Variants in SEC24D observed in about 807,000 individuals in gnomAD.
The protein encoded by SEC24D is protein transport protein Sec24D.
SEC24D carries 69 observed loss-of-function variants against 116.9 expected under a neutral mutation model. The ratio of observed to expected loss-of-function variants is 0.59; its 90% CI spans 0.49 to 0.72. The LOEUF is 0.72. SEC24D is among the 30% of genes least tolerant of loss of function. The probability of loss-of-function intolerance (pLI) is 0.00; values close to 1 mark genes in which losing one functional copy is unlikely to be tolerated. For missense variants in SEC24D, 1,131 were observed against 1,264.1 expected, an observed-to-expected ratio of 0.89 and a Z score of 1.60; for synonymous variants, 405 against 442.8, an observed-to-expected ratio of 0.91 and a Z score of 1.07.
chr4:118,824,837 G>A (rs1730533343), intron 2 of SEC24D, 88 bp from the exon 3 acceptor site: 4 of 1,201,108 alleles, frequency 3.3e-6, no homozygotes, highest in African/African-American at 1.6e-5. Context: ...AGAACTAGGT[G>A]GAGGAGGAGG....
At chr4:118,816,393 C>T (rs867957522) in intron 4 of SEC24D, among the ~76,000 whole-genome samples, 1 of 152,116 alleles carries the variant, frequency 6.6e-6, no homozygotes, top group Admixed American at 6.5e-5. Context: ...ACATAACAAG[C>T]ATTACTCAGG....
chr4:118,787,392 G>A (rs1728698960), intron 8 of SEC24D, among the ~76,000 whole-genome samples: 1 of 152,146 alleles, frequency 6.6e-6, no homozygotes, highest in South Asian at 2.1e-4. Flanking sequence ...TATTCTTTAA[G>A]TTCTTTACAG....
intron 16 of SEC24D, 37 bp downstream of exon 16, chr4:118,740,904 C>A: frequency 6.3e-7 from 1 of 1,590,990 alleles, no homozygotes; most frequent in South Asian, 1.1e-5. Flanking sequence ...AACAATTATT[C>A]AAGAGAGACC....
chr4:118,736,521 TC>T (rs776178156), intron 19 of SEC24D: 14 of 285,984 alleles, frequency 4.9e-5, no homozygotes, highest in South Asian at 4.6e-4. Context: ...ATAGTGGAAT[TC>T]CTTTAGGAAT....
At chr4:118,732,168 G>T (rs1725724776) in intron 20 of SEC24D, among the ~76,000 whole-genome samples, 1 of 152,046 alleles carries the variant, frequency 6.6e-6, no homozygotes, top group African/African-American at 2.4e-5. Context: ...TTGAGACGGA[G>T]TCTTGCTCTG....
chr4:118,731,140 C>T (rs1725663788), intron 21 of SEC24D, 176 bp downstream of exon 21: 1 of 614,104 alleles, frequency 1.6e-6, no homozygotes, highest in Non-Finnish European at 2.8e-6. Flanking sequence ...GTACTCTATA[C>T]AAATAACTTT....
At chr4:118,835,655 T>C (rs1731065012) in intron 1 of SEC24D, among the ~76,000 whole-genome samples, 1 of 152,242 alleles carries the variant, frequency 6.6e-6, no homozygotes, top group South Asian at 2.1e-4. Flanking sequence ...GACACTCGAA[T>C]GGTGGCCACT....
At chr4:118,753,001 A>C (rs1726916112) in intron 11 of SEC24D, 113 bp from the exon 12 acceptor site, 1 of 759,536 alleles carries the variant, frequency 1.3e-6, no homozygotes, top group African/African-American at 1.8e-5. Flanking sequence ...AACATGTTTA[A>C]AGTTTTTGTC....
chr4:118,777,038 T>A (rs1401581891), intron 8 of SEC24D, among the ~76,000 whole-genome samples: 2 of 152,160 alleles, frequency 1.3e-5, no homozygotes, highest in Non-Finnish European at 2.9e-5. Context: ...CCTGCATTAG[T>A]CTTACTTCTT....
intron 8 of SEC24D, among the ~76,000 whole-genome samples, chr4:118,780,564 G>A (rs756870989): frequency 1.6e-4 from 24 of 152,182 alleles, no homozygotes; most frequent in Admixed American, 8.5e-4. Flanking sequence ...GTACTGAGAT[G>A]AATGTATATT....
chr4:118,806,492 T>C (rs1297496098), intron 6 of SEC24D, among the ~76,000 whole-genome samples: 1 of 151,904 alleles, frequency 6.6e-6, no homozygotes, highest in Non-Finnish European at 1.5e-5. Flanking sequence ...GCTAATTTTC[T>C]TTTTCTTCAT....
intron 4 of SEC24D, 78 bp downstream of exon 4, chr4:118,817,186 A>T: frequency 8.1e-7 from 1 of 1,232,446 alleles, no homozygotes; most frequent in Non-Finnish European, 1.1e-6. Context: ...CATCTATTTT[A>T]AAAATGAAGA....
intron 6 of SEC24D, among the ~76,000 whole-genome samples, chr4:118,809,530 C>T (rs754171953): frequency 2.6e-5 from 4 of 152,150 alleles, no homozygotes; most frequent in Non-Finnish European, 4.4e-5. Context: ...CAAACAGGCT[C>T]CATCTGACCA....
intron 8 of SEC24D, among the ~76,000 whole-genome samples, chr4:118,791,349 A>C (rs1047344437): frequency 6.6e-6 from 1 of 152,164 alleles, no homozygotes; most frequent in Non-Finnish European, 1.5e-5. Context: ...AGAGCACTTT[A>C]GACACCAGAG....
chr4:118,823,955 G>A (rs1379526607), intron 3 of SEC24D, among the ~76,000 whole-genome samples: 1 of 152,114 alleles, frequency 6.6e-6, no homozygotes, highest in Non-Finnish European at 1.5e-5. Context: ...TCAGTTCTGT[G>A]AAGGATCCAA....
At chr4:118,784,742 C>A (rs957414415) in intron 8 of SEC24D, among the ~76,000 whole-genome samples, 3 of 135,436 alleles carry the variant, frequency 2.2e-5, no homozygotes, top group South Asian at 2.2e-4. Context: ...CTTCCCTGCC[C>A]CCCCCCCCGC....
At chr4:118,732,595 C>A (rs1295250452) in intron 20 of SEC24D, 138 bp downstream of exon 20, 7 of 799,832 alleles carry the variant, frequency 8.8e-6, no homozygotes, top group Non-Finnish European at 1.4e-5. Flanking sequence ...CGAAATCCCA[C>A]ACCATATATT....
chr4:118,814,743 T>C (rs1013788786), intron 6 of SEC24D, among the ~76,000 whole-genome samples: 1 of 152,050 alleles, frequency 6.6e-6, no homozygotes, highest in Non-Finnish European at 1.5e-5. Context: ...TGCCAAAATA[T>C]GTCAATGTAA....
chr4:118,768,394 CTTTTT>C lies in SEC24D; in HGVS notation c.1042-88_1042-84del, dbSNP rs34595739. The stretch of plus-strand genomic sequence containing the variant: ...TAATTTGGGAAGTCTTTTAATGGCA[CTTTTT>C]TTTTTTTTTTTTTGAGACAGAGTCT... On this transcript the variant is annotated intron_variant, in intron 8 of 22. Coordinates refer to ENST00000280551, the MANE Select transcript of SEC24D (RefSeq NM_014822.4). The C allele has an allele frequency of 3.4e-3, 1,989 of 581,366 alleles. 8 individuals are homozygous for C. The highest frequency in any genetic ancestry group is 4.8e-3 in the Non-Finnish European group (1,772 of 372,956). The allele number at this position is 581,366 out of a possible 1,614,324, so 36.0% of individuals were successfully genotyped here. A position where few individuals can be genotyped will look rare whatever the true frequency, so the allele number is the denominator to read the frequency against.
Sources: gnomAD v4.1 joint callset for allele counts (sites outside exome capture counted in the v4.1 genomes callset) on GRCh38, gnomAD v4.1.1 for gene constraint, MANE v1.5 for transcripts, NCBI Gene and HGNC (gene_info 2026-07-23, HGNC 2026-07-21) for gene names.